GPC5: variants seen among roughly 807,000 people sequenced by gnomAD.
The protein encoded by GPC5 is glypican-5.
GPC5 carries 47 observed loss-of-function variants against 53.9 expected under a neutral mutation model. The ratio of observed to expected loss-of-function variants is 0.87; its 90% confidence interval spans 0.69 to 1.11. The LOEUF (loss-of-function observed/expected upper bound fraction) is 1.11, where lower values mean the gene tolerates loss of function less well. Ranked by LOEUF, GPC5 falls within the 50% of genes most tolerant of loss-of-function variation. The pLI is 0.00. For missense variants in GPC5, 748 were observed against 713.1 expected, an observed-to-expected ratio of 1.05 and a Z score of -0.56; for synonymous variants, 286 against 263.3, an observed-to-expected ratio of 1.09 and a Z score of -0.84.
At chr13:91,523,749 C>G (rs1351213377) in intron 2 of GPC5, among the ~76,000 whole-genome samples, 1 of 152,134 alleles carries the variant, frequency 6.6e-6, no homozygotes. Context: ...ACACAGCACC[C>G]ATGTGAGGTG....
At chr13:91,570,212 T>C (rs1175870415) in intron 2 of GPC5, among the ~76,000 whole-genome samples, 1 of 152,192 alleles carries the variant, frequency 6.6e-6, no homozygotes, top group Non-Finnish European at 1.5e-5. Flanking sequence ...GTTTTTTTCT[T>C]ATTGAGATTA....
At chr13:92,663,856 CTATATATATATATA>C (rs201565650) in intron 7 of GPC5, among the ~76,000 whole-genome samples, 2,604 of 88,214 alleles carry the variant, frequency 0.03, 66 homozygotes, top group African/African-American at 0.04. Context: ...CACACACACA[CTATATATATATATA>C]TATATATATA....
At chr13:92,790,331 A>G (rs1876416714) in intron 7 of GPC5, among the ~76,000 whole-genome samples, 1 of 152,166 alleles carries the variant, frequency 6.6e-6, no homozygotes, top group African/African-American at 2.4e-5. Context: ...AGTCAAAAGA[A>G]GAGATAATTT....
At chr13:91,703,823 T>G (rs959187823) in intron 3 of GPC5, among the ~76,000 whole-genome samples, 2 of 152,214 alleles carry the variant, frequency 1.3e-5, no homozygotes, top group Admixed American at 6.5e-5. Flanking sequence ...TCAATTTCCT[T>G]AATCCTTATT....
At chr13:91,774,366 C>T (rs935513781) in intron 5 of GPC5, among the ~76,000 whole-genome samples, 1 of 152,268 alleles carries the variant, frequency 6.6e-6, no homozygotes, top group South Asian at 2.1e-4. Flanking sequence ...TTTCTCTGTT[C>T]ATCATTAACA....
At chr13:91,401,537 C>G (rs1158861056) in intron 1 of GPC5, among the ~76,000 whole-genome samples, 2 of 151,980 alleles carry the variant, frequency 1.3e-5, no homozygotes, top group East Asian at 3.9e-4. Context: ...TAGCACATAC[C>G]CTTTCACTGA....
chr13:91,526,216 G>T (rs1394151202), intron 2 of GPC5, among the ~76,000 whole-genome samples: 1 of 152,180 alleles, frequency 6.6e-6, no homozygotes, highest in Non-Finnish European at 1.5e-5. Context: ...ATACATTGCT[G>T]CATCTTTTAC....
intron 7 of GPC5, among the ~76,000 whole-genome samples, chr13:92,629,794 G>T (rs1390035383): frequency 2.6e-5 from 4 of 151,952 alleles, no homozygotes; most frequent in Non-Finnish European, 5.9e-5. Context: ...CACAAGTCAT[G>T]AGTACAAAAA....
chr13:92,306,363 G>T (rs2043110766), intron 7 of GPC5, among the ~76,000 whole-genome samples: 1 of 152,198 alleles, frequency 6.6e-6, no homozygotes, highest in East Asian at 1.9e-4. Flanking sequence ...ATGTTTAACA[G>T]GCTAAGAAAG....
chr13:92,557,976 T>A (rs554055296), intron 7 of GPC5, among the ~76,000 whole-genome samples: 1 of 151,900 alleles, frequency 6.6e-6, no homozygotes, highest in African/African-American at 2.4e-5. Context: ...ACATTCTATA[T>A]CCAGATAAAA....
rs370143266 is a variant in GPC5 at position 91,426,961 on chromosome 13, G to T, written c.164-21800G>T. Among the ~76,000 whole-genome samples, 68 of 152,358 alleles carry T rather than the reference G, an allele frequency of 4.5e-4. 1 individual carries two copies. The South Asian group carries it at 0.014, about 31-fold the overall frequency. ...ACAACTCAGGCTGTTGCTTCAGAGG[G>T]TGCAAGTCCCAAGCCTTGGCAGCAT... On this transcript the variant is annotated intron_variant, in intron 1 of 7. Coordinates refer to ENST00000377067, the MANE Select transcript of GPC5 (RefSeq NM_004466.6).
At chr13:92,508,264 C>G (rs1428326237) in intron 7 of GPC5, among the ~76,000 whole-genome samples, 1 of 152,126 alleles carries the variant, frequency 6.6e-6, no homozygotes, top group Non-Finnish European at 1.5e-5. Context: ...GCATGGCCTA[C>G]TTATAAGAGT....
chr13:92,624,327 C>A (rs771731352), intron 7 of GPC5, among the ~76,000 whole-genome samples: 1 of 152,264 alleles, frequency 6.6e-6, no homozygotes, highest in Admixed American at 6.5e-5. Context: ...GCCTCGGCCT[C>A]CCAAAATGCT....
intron 7 of GPC5, among the ~76,000 whole-genome samples, chr13:92,753,235 C>T (rs1874674903): frequency 6.6e-6 from 1 of 152,144 alleles, no homozygotes; most frequent in African/African-American, 2.4e-5. Flanking sequence ...CACACTGACA[C>T]CTCACACGGC....
At chr13:91,747,489 G>C (rs1165583067) in intron 4 of GPC5, among the ~76,000 whole-genome samples, 1 of 152,172 alleles carries the variant, frequency 6.6e-6, no homozygotes, top group Non-Finnish European at 1.5e-5. Context: ...GTTGCACAGT[G>C]TACAAAGCTG....
intron 5 of GPC5, among the ~76,000 whole-genome samples, chr13:91,820,504 C>T (rs1315515773): frequency 3.9e-5 from 6 of 152,122 alleles, no homozygotes; most frequent in African/African-American, 7.2e-5. Context: ...CTCTGCAGTG[C>T]GAAGTATCTA....
intron 2 of GPC5, among the ~76,000 whole-genome samples, chr13:91,491,116 A>C (rs1489012501): frequency 6.6e-6 from 1 of 152,170 alleles, no homozygotes; most frequent in African/African-American, 2.4e-5. Context: ...GATATTAGTT[A>C]TAGCTTACCA....
At chr13:92,427,023 C>T (rs953295543) in intron 7 of GPC5, among the ~76,000 whole-genome samples, 9 of 151,846 alleles carry the variant, frequency 5.9e-5, no homozygotes, top group African/African-American at 2.2e-4. Context: ...CATTTCCTGG[C>T]TGCCTATTTT....
intron 7 of GPC5, among the ~76,000 whole-genome samples, chr13:92,237,675 G>T (rs1236770449): frequency 6.6e-6 from 1 of 152,078 alleles, no homozygotes; most frequent in Non-Finnish European, 1.5e-5. Flanking sequence ...TCGAGATAGA[G>T]TTCACAAACT....
Sources: allele counts gnomAD v4.1 joint callset (sites outside exome capture counted in the v4.1 genomes callset), GRCh38; gene constraint gnomAD v4.1.1; transcripts MANE v1.5; gene names NCBI Gene and HGNC (gene_info 2026-07-23, HGNC 2026-07-21).